PDCD11: variants seen among roughly 807,000 people sequenced by gnomAD.
PDCD11 encodes the protein protein RRP5 homolog.
Under a neutral mutation model 198.9 loss-of-function variants are expected in PDCD11, and 97 were observed. The observed-to-expected ratio is 0.49, with a 90% CI of 0.41 to 0.58. The LOEUF (loss-of-function observed/expected upper bound fraction) is 0.58. PDCD11 is among the 20% of genes least tolerant of loss of function. The pLI is 0.00. For synonymous variants in PDCD11, 893 were observed against 918.0 expected (o/e 0.97, Z 0.49); for missense variants, 2,102 against 2,312.7 (o/e 0.91, Z 1.87).
intron 25 of PDCD11, among the ~76,000 whole-genome samples, chr10:103,437,731 G>A (rs1203009790): frequency 6.6e-6 from 1 of 151,864 alleles, no homozygotes; most frequent in African/African-American, 2.4e-5. Flanking sequence ...CTTGTGATCC[G>A]CCTACCTCAG....
At chr10:103,433,861 T>C in intron 22 of PDCD11, 87 bp from the exon 23 acceptor site, 2 of 1,039,312 alleles carry the variant, frequency 1.9e-6, no homozygotes, top group Non-Finnish European at 3.0e-6. Context: ...ACTGGGGCCC[T>C]TTCCACCTTG....
intron 19 of PDCD11, 66 bp downstream of exon 19, chr10:103,423,724 T>G (rs2031561496): frequency 9.4e-7 from 1 of 1,064,924 alleles, no homozygotes; most frequent in African/African-American, 1.6e-5. Flanking sequence ...CCACTCCAGT[T>G]CAGGGATTCC....
Position 103,442,402 on chromosome 10 carries a change from A to G in PDCD11, c.4897A>G (p.Thr1633Ala), listed in dbSNP as rs2032424881. ...LQYMAFHLQATEIEKARAVAE... is the reference protein window; with the variant it reads ...LQYMAFHLQAAEIEKARAVAE... ...GTACATGGCTTTCCACCTGCAGGCC[A>G]CGGAGATCGAGAAGGCCCGTGCCGT... The change falls in exon 32 of 36, where the codon ACG becomes GCG. Residue 1633 changes from threonine (T) to alanine (A), a missense_variant. Coordinates refer to ENST00000369797, the MANE Select transcript of PDCD11 (RefSeq NM_014976.2). 3.7e-6 allele frequency: 6 copies of G among 1,614,212 alleles called. No homozygotes were observed. Among genetic ancestry groups the G allele is most frequent in the South Asian group, 1.1e-5 (1 of 91,086 alleles).
At chr10:103,417,442 G>A (rs1055416678) in intron 13 of PDCD11, among the ~76,000 whole-genome samples, 4 of 152,176 alleles carry the variant, frequency 2.6e-5, no homozygotes, top group African/African-American at 9.6e-5. Flanking sequence ...CAAAGTGCTG[G>A]AATTACAGGC....
chr10:103,421,098 A>G (rs988975869), intron 16 of PDCD11, among the ~76,000 whole-genome samples: 9 of 150,146 alleles, frequency 6.0e-5, no homozygotes, highest in Non-Finnish European at 1.2e-4. Context: ...CTGGTCTGGA[A>G]CTCCTGACCC....
In PDCD11 at chr10:103,415,053, G is replaced by A. The variant is rs765297196; in HGVS notation, c.1420G>A (p.Glu474Lys). The stretch of plus-strand genomic sequence containing the variant: ...ATATGGGATGCTGGTGAAGGTGGGC[G>A]AGCAGATGAGGGGCCTGGTACCTCC... ...KSYGMLVKVGEQMRGLVPPMH... is the reference protein window; with the variant it reads ...KSYGMLVKVGKQMRGLVPPMH... The change falls in exon 12 of 36, where the codon GAG becomes AAG. Residue 474 changes from glutamate (E) to lysine (K), a missense_variant. Glu to Lys is a moderately conservative substitution (Grantham distance 56). Coordinates refer to ENST00000369797, the MANE Select transcript of PDCD11 (RefSeq NM_014976.2). 5.6e-6 allele frequency: 9 copies of A among 1,613,978 alleles called. No individual in the cohort carries two copies. The highest frequency in any genetic ancestry group is 4.0e-5 in the African/African-American group (3 of 74,896).
At chr10:103,435,423 T>C (rs2032109753) in intron 25 of PDCD11, among the ~76,000 whole-genome samples, 2 of 152,180 alleles carry the variant, frequency 1.3e-5, no homozygotes, top group African/African-American at 4.8e-5. Context: ...TTTGTACATA[T>C]ATTTGGGTTT....
chr10:103,438,663 A>T, intron 26 of PDCD11, 23 bp from the exon 27 acceptor site: 3 of 1,614,114 alleles, frequency 1.9e-6, no homozygotes, highest in Non-Finnish European at 2.5e-6. Flanking sequence ...AAAGGTGTGC[A>T]TGTAAGCCTT....
rs2032259991 is a variant in PDCD11, at chr10:103,438,815, GA to G, written c.4025+8del. 24 of 1,613,568 alleles carry G rather than the reference GA, an allele frequency of 1.5e-5. No individual in the cohort carries two copies. Among genetic ancestry groups the G allele is most frequent in the Non-Finnish European group, 2.0e-5 (24 of 1,179,994 alleles). ...CACACGGTGTGTTCTTTCGGTGAGT[GA>G]GGGGGGCTCTGCACCCGGACCCAAG... On this transcript the variant is annotated splice_region_variant and intron_variant, in intron 27 of 35. Coordinates refer to ENST00000369797, the MANE Select transcript of PDCD11 (RefSeq NM_014976.2).
At chr10:103,428,234 G>C (rs2031780408) in intron 21 of PDCD11, among the ~76,000 whole-genome samples, 1 of 151,872 alleles carries the variant, frequency 6.6e-6, no homozygotes, top group Non-Finnish European at 1.5e-5. Flanking sequence ...AAATTTGGGA[G>C]ACGGAGGTTG....
At chr10:103,414,412 A>G (rs753379156) in intron 11 of PDCD11, 82 bp downstream of exon 11, 17 of 931,032 alleles carry the variant, frequency 1.8e-5, no homozygotes, top group Non-Finnish European at 2.6e-5. Context: ...TCAGCCCGTT[A>G]GTCCTCATGT....
chr10:103,440,778 G>A lies in PDCD11; in HGVS notation c.4485G>A (p.Glu1495=). 6.2e-7 allele frequency: 1 copy of A among 1,614,138 alleles called. No individual in the cohort carries two copies. Among genetic ancestry groups the A allele is most frequent in the Non-Finnish European group, 8.5e-7 (1 of 1,180,024 alleles). ...KKPKKAGLSE[E]DDSLVDVYYR... ...CAAAGAAAGCCGGCCTGTCAGAGGA[G>A]GACGACAGCCTTGTGGACGTGTACT... The change falls in exon 30 of 36, where the codon GAG becomes GAA. Residue 1495 remains glutamate, a synonymous_variant. Coordinates refer to ENST00000369797, the MANE Select transcript of PDCD11 (RefSeq NM_014976.2).
Position 103,400,489 on chromosome 10 carries a change from C to G in PDCD11, c.195C>G (p.Ser65Arg). 6.2e-7 allele frequency: 1 copy of G among 1,613,932 alleles called. No individual in the cohort carries two copies. The highest frequency in any genetic ancestry group is 8.5e-7 in the Non-Finnish European group (1 of 1,179,890). The change falls in exon 3 of 36, where the codon AGC becomes AGG. Residue 65 changes from serine to arginine, a missense_variant. Transcript: ENST00000369797. ...TGAAAATCGAAAAGAGAGAAAGCAG[C>G]AAGTCCGCAAGAGAGAAGTTTGAAA... ...KKLKIEKRESSKSAREKFEIL... is the reference protein window; with the variant it reads ...KKLKIEKRESRKSAREKFEIL...
intron 15 of PDCD11, 43 bp downstream of exon 15, chr10:103,418,677 C>T: frequency 6.5e-7 from 1 of 1,526,906 alleles, no homozygotes; most frequent in Non-Finnish European, 9.0e-7. Context: ...AGGTGGGGGG[C>T]CATGGGTGCT....
At chr10:103,439,657 T>G in intron 27 of PDCD11, 89 bp from the exon 28 acceptor site, 127 of 1,466,796 alleles carry the variant, frequency 8.7e-5, no homozygotes, top group Non-Finnish European at 1.1e-4. Flanking sequence ...TGTCACAACT[T>G]GAGTCCCTGT....
chr10:103,444,777 T>G lies in PDCD11; in HGVS notation c.5444+95T>G, dbSNP rs892080311. On this transcript the variant is annotated intron_variant, in intron 35 of 35. Transcript: ENST00000369797. Reference sequence around the variant, plus strand: ...CTCTCAGCATCCCAGTTCTCTTACTTGATCTAGAAAACCAGCTAGATGTGA... The same window carrying G: ...CTCTCAGCATCCCAGTTCTCTTACTGGATCTAGAAAACCAGCTAGATGTGA... 3.6e-5 allele frequency: 44 copies of G among 1,228,020 alleles called. No individual in the cohort carries two copies. The African/African-American group carries it at 5.2e-4, about 14-fold the overall frequency. 76.1% of individuals were successfully genotyped at this position (1,228,020 alleles called of 1,614,324 possible).
intron 28 of PDCD11, 105 bp downstream of exon 28, chr10:103,439,973 C>A: frequency 7.3e-7 from 1 of 1,364,108 alleles, no homozygotes; most frequent in Non-Finnish European, 1.0e-6. Context: ...TAATGGCTTG[C>A]GTAGTGGTGT....
chr10:103,433,474 G>C (rs1411572473), intron 22 of PDCD11, among the ~76,000 whole-genome samples: 1 of 152,150 alleles, frequency 6.6e-6, no homozygotes, highest in Non-Finnish European at 1.5e-5. Flanking sequence ...TCCAGCCTAG[G>C]AGACAGAGCG....
At chr10:103,438,305 A>G (rs1199051154) in intron 26 of PDCD11, among the ~76,000 whole-genome samples, 3 of 152,196 alleles carry the variant, frequency 2.0e-5, no homozygotes, top group Admixed American at 2.0e-4. Flanking sequence ...TGGGTGTCCA[A>G]GGTTGCAGAT....
Sources: allele counts gnomAD v4.1 joint callset (sites outside exome capture counted in the v4.1 genomes callset), GRCh38; gene constraint gnomAD v4.1.1; transcripts MANE v1.5; gene names NCBI Gene and HGNC (gene_info 2026-07-23, HGNC 2026-07-21).